ABCB9: variants seen among roughly 807,000 people sequenced by gnomAD.
ABCB9 encodes the protein ABC-type oligopeptide transporter ABCB9.
Under a neutral mutation model 62.0 loss-of-function variants are expected in ABCB9, and 36 were observed. That is an observed-to-expected ratio of 0.58 (90% CI 0.45 to 0.77). The LOEUF is 0.77. Among genes scored for constraint, ABCB9 ranks in the 30% least tolerant of loss-of-function variants. ABCB9 has a pLI of 0.00. For synonymous variants in ABCB9, 435 were observed against 461.4 expected (o/e 0.94, Z 0.73); for missense variants, 943 against 1,054.7 (o/e 0.89, Z 1.47).
At chr12:122,954,868 T>A (rs1351490508) in intron 2 of ABCB9, among the ~76,000 whole-genome samples, 3 of 152,210 alleles carry the variant, frequency 2.0e-5, no homozygotes, top group African/African-American at 7.2e-5. Flanking sequence ...TTTTGTTTTT[T>A]GTTTTTGTTT....
chr12:122,960,114 A>G lies in ABCB9; in HGVS notation c.122T>C (p.Phe41Ser). ...ATCCAGCACCGAGTCAAAGATGTTG[A>G]AGTGGCGGATGTCCTCCAGGAGGCT... is the stretch of plus-strand genomic sequence containing the variant. The part of the protein sequence containing the change: ...DRSLLEDIRH[F>S]NIFDSVLDLW... Residue 41 changes from phenylalanine to serine, a missense_variant, in exon 2 of 12, where the codon TTC (phenylalanine) becomes TCC (serine). Phe to Ser is a radical substitution (Grantham distance 155, BLOSUM62 -2). Coordinates refer to ENST00000280560, the MANE Select transcript of ABCB9 (RefSeq NM_019625.4). 6 of 1,613,690 alleles carry G rather than the reference A, an allele frequency of 3.7e-6. No individual in the cohort carries two copies. The highest frequency in any genetic ancestry group is 5.1e-6 in the Non-Finnish European group (6 of 1,180,038).
Position 122,930,412 on chromosome 12 carries a change from CTTT to C in ABCB9, c.2041-244_2041-242del, listed in dbSNP as rs397954994. 4.7e-4 allele frequency among the ~76,000 whole-genome samples: 64 copies of C among 136,610 alleles called. No individual in the cohort carries two copies. Among genetic ancestry groups the C allele is most frequent in the African/African-American group, 1.6e-3 (58 of 35,750 alleles). The allele number at this position is 136,610 out of a possible 152,430, so 89.6% of individuals were successfully genotyped here. ...TCTTCTGGTCCTTCCCTTCCCCCTC[CTTT>C]TTTTTTTTTTTTTTTTTTAAGTCTT... On this transcript the variant is annotated intron_variant, in intron 11 of 11. Transcript: ENST00000280560. This position sits in a 1 kb window ranked among gnomAD's most constrained non-coding sequence, Gnocchi z 4.9.
chr12:122,939,780 C>T, intron 9 of ABCB9: 1 of 197,758 alleles, frequency 5.1e-6, no homozygotes, highest in East Asian at 1.3e-4. Flanking sequence ...AGTCCACCTG[C>T]CTTGGCCTCC....
At chr12:122,968,353 T>C (rs2037232383), upstream of ABCB9, among the ~76,000 whole-genome samples, 5 of 152,198 alleles carry the variant, frequency 3.3e-5, no homozygotes, top group Admixed American at 2.0e-4. Context: ...GTAATAAAGA[T>C]ATCGACTGCA....
chr12:122,924,620 ACT>A, downstream of ABCB9: 1 of 1,441,630 alleles, frequency 6.9e-7, no homozygotes, highest in Admixed American at 2.4e-5. Flanking sequence ...ATGAAGACAA[ACT>A]CTAATGTGGG....
rs770106220 is a variant in ABCB9, at chr12:122,930,061, G to A, written c.2151C>T (p.Arg717=). Residue 717 remains arginine, a synonymous_variant, in exon 12 of 12, where the codon CGC becomes CGT. Transcript: ENST00000280560. This position sits in a 1 kb window ranked among gnomAD's most constrained non-coding sequence, Gnocchi z 4.9. ...AHLIVVLDKG[R]VVQQGTHQQL... is the part of the protein sequence containing the mutation. ...GCTGGTGGGTGCCCTGCTGCACTAC[G>A]CGGCCCTTGTCCAGCACCACAATGA... is the stretch of plus-strand genomic sequence containing the variant. 27 of 1,568,038 alleles carry A rather than the reference G, an allele frequency of 1.7e-5. No individual in the cohort carries two copies. Among genetic ancestry groups the A allele is most frequent in the South Asian group, 1.3e-4 (11 of 85,370 alleles).
chr12:122,935,610 C>A (rs1438323164), intron 9 of ABCB9, among the ~76,000 whole-genome samples, 179 bp from the exon 10 acceptor site: 1 of 152,176 alleles, frequency 6.6e-6, no homozygotes, highest in African/African-American at 2.4e-5. Flanking sequence ...CCGCCTGTAC[C>A]CACAAGCCCT....
Position 122,930,177 on chromosome 12 carries a change from G to C in ABCB9, c.2041-6C>G, listed in dbSNP as rs1318739328. The C allele has an allele frequency of 1.3e-6, 2 of 1,539,916 alleles. No individual in the cohort carries two copies. The highest frequency in any genetic ancestry group is 1.8e-6 in the Non-Finnish European group (2 of 1,139,276). On this transcript the variant is annotated splice_region_variant and splice_polypyrimidine_tract_variant and intron_variant, in intron 11 of 11. Coordinates refer to ENST00000280560, the MANE Select transcript of ABCB9 (RefSeq NM_019625.4). The surrounding 1 kb of genome is among the most constrained non-coding windows in gnomAD (Gnocchi z 4.9). ...CCATGGATGGCCTGCTGGATCTGCG[G>C]GGACAGTGGGGGCCTGGCTTGCATG...
Position 122,949,929 on chromosome 12 carries a change from A to G in ABCB9, c.717-11T>C. 1 of 1,614,004 alleles carries G rather than the reference A, an allele frequency of 6.2e-7. No individual in the cohort carries two copies. The highest frequency in any genetic ancestry group is 1.7e-4 in the Middle Eastern group (1 of 6,060). On this transcript the variant is annotated splice_polypyrimidine_tract_variant and intron_variant, in intron 3 of 11. Transcript: ENST00000280560. ...CCTGCGGCAAATGAGCTAATTGCAG[A>G]TAAGAGATATTATAGCACGATGTCC...
upstream of ABCB9, among the ~76,000 whole-genome samples, chr12:122,968,073 A>G (rs199843346): frequency 0.046 from 6,474 of 142,090 alleles, 442 homozygotes; most frequent in African/African-American, 0.15. Flanking sequence ...CTGTAGCCAG[A>G]AAAAAAAAAA....
At position 122,964,626 on chromosome 12, in the gene ABCB9, A is replaced by G. The variant is rs909532047; in HGVS notation, c.-88+1661T>C. On this transcript the variant is annotated intron_variant, in intron 1 of 11. Transcript: ENST00000280560. This position sits in a 1 kb window ranked among gnomAD's most constrained non-coding sequence, Gnocchi z 4.7. ...GCGTGACCACCAGCCAAGGCTGCTT[A>G]GAGGCCTGTCACCGCTCTCCAACTG... Among the ~76,000 whole-genome samples, 2 of 152,256 alleles carry G rather than the reference A, an allele frequency of 1.3e-5. No homozygotes were observed. Among genetic ancestry groups the G allele is most frequent in the African/African-American group, 4.8e-5 (2 of 41,478 alleles).
intron 2 of ABCB9, among the ~76,000 whole-genome samples, chr12:122,956,001 C>T (rs968825316): frequency 6.6e-6 from 1 of 152,090 alleles, no homozygotes; most frequent in African/African-American, 2.4e-5. Context: ...TGTGAGCCAC[C>T]GTACCCAGCC....
At chr12:122,960,366 G>GA in intron 1 of ABCB9, 44 bp from the exon 2 acceptor site, 1 of 1,283,558 alleles carries the variant, frequency 7.8e-7, no homozygotes, top group Non-Finnish European at 1.0e-6. Flanking sequence ...GTTCAGGTTT[G>GA]CCACTCGCTG....
chr12:122,921,008 T>A lies in ABCB9; in HGVS notation c.*30A>T, dbSNP rs1054311874. On this transcript the variant is annotated 3_prime_UTR_variant, in exon 12 of 12. Transcript: ENST00000344275. ...TATCATTGTCATCATCATCAATCCA[T>A]CTCGGTTCTGATATCTGCAGGCTGG... 1.1e-5 allele frequency: 17 copies of A among 1,534,436 alleles called. No individual in the cohort carries two copies. In the African/African-American group the frequency reaches 2.1e-4, roughly 19 times the overall value.
At chr12:122,969,174 A>AAC (rs2037242154), upstream of ABCB9, among the ~76,000 whole-genome samples, 1 of 138,382 alleles carries the variant, frequency 7.2e-6, no homozygotes, top group African/African-American at 2.7e-5. Context: ...CATCCTTTCC[A>AAC]CCCCCCCCCC....
rs772164877 is a variant in ABCB9, at chr12:122,960,004, G to A, written c.232C>T (p.Arg78Trp). 43 of 1,613,172 alleles carry A rather than the reference G, an allele frequency of 2.7e-5. No individual in the cohort carries two copies. The highest frequency in any genetic ancestry group is 3.5e-5 in the Non-Finnish European group (41 of 1,180,038). ...VAKNSALGPRRLRASWLVITL... is the reference protein window; with the variant it reads ...VAKNSALGPRWLRASWLVITL... ...ATGACCAGCCACGAGGCCCGCAGCC[G>A]CCGGGGCCCCAGCGCACTGTTCTTG... The change falls in exon 2 of 12, where the codon CGG becomes TGG. Residue 78 changes from arginine to tryptophan, a missense_variant. Arg to Trp is a moderately radical substitution (Grantham distance 101, BLOSUM62 -3). Transcript: ENST00000280560.
At chr12:122,949,001 C>T in intron 4 of ABCB9, 172 bp from the exon 5 acceptor site, 1 of 537,972 alleles carries the variant, frequency 1.9e-6, no homozygotes. Context: ...TACTCTGAGC[C>T]AATCCCAGTC....
In ABCB9 at chr12:122,930,195, C is replaced by G; in HGVS notation, c.2041-24G>C. On this transcript the variant is annotated intron_variant, in intron 11 of 11. Transcript: ENST00000280560. This position sits in a 1 kb window ranked among gnomAD's most constrained non-coding sequence, Gnocchi z 4.9. ...ATCTGCGGGGACAGTGGGGGCCTGG[C>G]TTGCATGGCACGGACGCCCCACCCG... 4 of 1,526,386 alleles carry G rather than the reference C, an allele frequency of 2.6e-6. No individual in the cohort carries two copies. The highest frequency in any genetic ancestry group is 3.5e-6 in the Non-Finnish European group (4 of 1,130,510). The allele number at this position is 1,526,386 out of a possible 1,614,324, so 94.6% of individuals were successfully genotyped here. A position where few individuals can be genotyped will look rare whatever the true frequency, so the allele number is the denominator to read the frequency against.
Position 122,950,529 on chromosome 12 carries a change from A to G in ABCB9, c.638T>C (p.Ile213Thr), listed in dbSNP as rs756395941. 15 of 1,613,176 alleles carry G rather than the reference A, an allele frequency of 9.3e-6. No homozygotes were observed. Among genetic ancestry groups the G allele is most frequent in the South Asian group, 6.6e-5 (6 of 91,068 alleles). ...GCTTTTCTGGATGACGATGCCATCA[A>G]TGGCGCGGCCCGTGTAGTAGGGCAG... The part of the protein sequence containing the change: ...TFLPYYTGRA[I>T]DGIVIQKSMD... The change falls in exon 3 of 12, where the codon ATT becomes ACT. Residue 213 changes from isoleucine (I) to threonine (T), a missense_variant. Coordinates refer to ENST00000280560, the MANE Select transcript of ABCB9 (RefSeq NM_019625.4).
Sources: gnomAD v4.1 joint callset for allele counts (sites outside exome capture counted in the v4.1 genomes callset) on GRCh38, gnomAD v4.1.1 for gene constraint, Gnocchi (gnomAD v3.1) non-coding constraint, MANE v1.5 for transcripts, NCBI Gene and HGNC (gene_info 2026-07-23, HGNC 2026-07-21) for gene names.